The following IFT140 variants were observed in gnomAD, a reference collection of about 807,000 sequenced individuals.
IFT140 encodes the protein intraflagellar transport protein 140 homolog.
A neutral mutation model predicts 164.6 loss-of-function variants in IFT140; 133 were observed. That is an observed-to-expected ratio of 0.81 (90% CI 0.70 to 0.93). The LOEUF is 0.93. Among genes scored for constraint, IFT140 ranks in the 40% least tolerant of loss-of-function variants. IFT140 has a pLI of 0.00. For synonymous variants in IFT140, 860 were observed against 817.3 expected, an observed-to-expected ratio of 1.05 and a Z score of -0.89; for missense variants, 2,045 against 1,972.3, an observed-to-expected ratio of 1.04 and a Z score of -0.70.
chr16:1,591,996 C>T (rs1318377527), intron 6 of IFT140, among the ~76,000 whole-genome samples, 180 bp downstream of exon 6: 1 of 152,248 alleles, frequency 6.6e-6, no homozygotes, highest in Non-Finnish European at 1.5e-5. Context: ...CATTTCAACA[C>T]TGGATGGATG....
At chr16:1,580,350 G>A (rs1288114895) in intron 13 of IFT140, 2 of 158,108 alleles carry the variant, frequency 1.3e-5, no homozygotes, top group East Asian at 3.8e-4. Context: ...AATGTTGGAG[G>A]TGGGGCCTGG....
In IFT140 at chr16:1,526,609, C is replaced by A; in HGVS notation, c.2577+10G>T. ...GCCTTCCCACCCACCCCATGGCGGGCGCCCCTCACCAGCATGCCCAGCTGC... is the reference window on the plus strand; with the variant it reads ...GCCTTCCCACCCACCCCATGGCGGGAGCCCCTCACCAGCATGCCCAGCTGC... On this transcript the variant is annotated intron_variant, in intron 20 of 30. Coordinates refer to ENST00000426508, the MANE Select transcript of IFT140 (RefSeq NM_014714.4). The A allele has an allele frequency of 6.6e-7, 1 of 1,514,030 alleles. No homozygotes were observed. Among genetic ancestry groups the A allele is most frequent in the East Asian group, 2.4e-5 (1 of 41,516 alleles). 93.8% of individuals were successfully genotyped at this position (1,514,030 alleles called of 1,614,324 possible).
At chr16:1,512,927 G>A (rs896197024) in intron 30 of IFT140, 2 of 152,260 alleles carry the variant, frequency 1.3e-5, no homozygotes, top group Non-Finnish European at 2.9e-5. Flanking sequence ...GGAAGTCTGT[G>A]TCTCACGGAG....
chr16:1,591,810 C>T (rs1457309196), intron 6 of IFT140, among the ~76,000 whole-genome samples: 1 of 152,206 alleles, frequency 6.6e-6, no homozygotes, highest in East Asian at 1.9e-4. Context: ...ACCTGGCATA[C>T]AATAGGTGCT....
Position 1,525,884 on chromosome 16 carries a change from CACTA to C in IFT140, c.2767_2768+2del, listed in dbSNP as rs769075694. ...GGGAAGAGGCCGCGAGGGCCGCACT[CACTA>C]ACTGAGGGCCCGGCTGCAGTCGGCG... is the stretch of plus-strand genomic sequence containing the variant. On this transcript the variant is annotated splice_donor_variant and coding_sequence_variant, in exon 21 of 31. Coordinates refer to ENST00000426508, the MANE Select transcript of IFT140 (RefSeq NM_014714.4). LOFTEE classifies it high-confidence loss of function. The C allele has an allele frequency of 2.9e-5, 44 of 1,537,352 alleles. No homozygotes were observed. The highest frequency in any genetic ancestry group is 1.4e-4 in the Admixed American group (7 of 50,938).
At chr16:1,572,478 C>A (rs1338669427) in intron 13 of IFT140, among the ~76,000 whole-genome samples, 8 of 152,116 alleles carry the variant, frequency 5.3e-5, no homozygotes, top group Non-Finnish European at 1.0e-4. Flanking sequence ...AACCCCGTCT[C>A]TACTAAAAAT....
At chr16:1,579,128 A>C (rs1171427992) in intron 13 of IFT140, 1 of 152,254 alleles carries the variant, frequency 6.6e-6, no homozygotes, top group Non-Finnish European at 1.5e-5. Context: ...TGTATGTATC[A>C]TATACTGTTT....
At chr16:1,516,861 G>A (rs2040369601) in intron 30 of IFT140, among the ~76,000 whole-genome samples, 1 of 151,930 alleles carries the variant, frequency 6.6e-6, no homozygotes, top group Non-Finnish European at 1.5e-5. Flanking sequence ...AAGTTGACTG[G>A]TAGAAAACTG....
chr16:1,528,370 CGCAT>C (rs1185644010), intron 19 of IFT140, among the ~76,000 whole-genome samples: 4 of 151,614 alleles, frequency 2.6e-5, no homozygotes, highest in Admixed American at 6.6e-5. Flanking sequence ...TGCACACACA[CGCAT>C]GCACGCACGT....
At position 1,594,963 on chromosome 16, in the gene IFT140, A is replaced by C. The variant is rs558295257; in HGVS notation, c.370-2375T>G. Among the ~76,000 whole-genome samples, 3 of 152,378 alleles carry C rather than the reference A, an allele frequency of 2.0e-5. No individual in the cohort carries two copies. In the East Asian group the frequency reaches 5.8e-4, roughly 29 times the overall value. ...AACATGCTTTTTATTGTACACAGGA[A>C]GAGTATTTTCAAATAATGTCAGATT... On this transcript the variant is annotated intron_variant, in intron 4 of 30. Coordinates refer to ENST00000426508, the MANE Select transcript of IFT140 (RefSeq NM_014714.4).
At chr16:1,552,610 A>G (rs1226546818) in intron 19 of IFT140, among the ~76,000 whole-genome samples, 1 of 151,858 alleles carries the variant, frequency 6.6e-6, no homozygotes, top group Non-Finnish European at 1.5e-5. Context: ...TAGAAATGCC[A>G]GAAGTTTCCT....
chr16:1,563,586 C>T (rs2033545793), intron 17 of IFT140, among the ~76,000 whole-genome samples: 1 of 152,036 alleles, frequency 6.6e-6, no homozygotes, highest in South Asian at 2.1e-4. Flanking sequence ...TGGGCATAAA[C>T]CTCAAAGAGG....
chr16:1,535,781 C>A (rs990829323), intron 19 of IFT140, among the ~76,000 whole-genome samples: 3 of 152,250 alleles, frequency 2.0e-5, no homozygotes, highest in Admixed American at 6.5e-5. Context: ...GCCTGGACTG[C>A]GCACTTCCTC....
At chr16:1,575,982 T>G (rs1308442138) in intron 13 of IFT140, among the ~76,000 whole-genome samples, 1 of 152,120 alleles carries the variant, frequency 6.6e-6, no homozygotes, top group Non-Finnish European at 1.5e-5. Context: ...ATGAACTTCT[T>G]TTTTCAATAA....
intron 6 of IFT140, among the ~76,000 whole-genome samples, chr16:1,591,203 T>C (rs1280373865): frequency 1.3e-5 from 2 of 152,192 alleles, no homozygotes; most frequent in East Asian, 3.9e-4. Context: ...CTCCTCTAGG[T>C]GACCAGCGCT....
At chr16:1,528,344 CGCAT>C (rs2029975528) in intron 19 of IFT140, among the ~76,000 whole-genome samples, 1 of 131,022 alleles carries the variant, frequency 7.6e-6, no homozygotes, top group Non-Finnish European at 1.7e-5. Context: ...TGCACACACA[CGCAT>C]GCACGCACGT....
chr16:1,556,804 TTTTTG>T (rs1176895333), intron 19 of IFT140, among the ~76,000 whole-genome samples: 1 of 152,134 alleles, frequency 6.6e-6, no homozygotes, highest in African/African-American at 2.4e-5. Flanking sequence ...AAATAATTGT[TTTTTG>T]TTTTGTTTTG....
At chr16:1,521,558 T>C (rs1373231306) in intron 26 of IFT140, among the ~76,000 whole-genome samples, 1 of 151,582 alleles carries the variant, frequency 6.6e-6, no homozygotes, top group Non-Finnish European at 1.5e-5. Context: ...CCGGCTAATT[T>C]TGTAATTTTT....
At chr16:1,592,817 C>T (rs953977529) in intron 4 of IFT140, among the ~76,000 whole-genome samples, 1 of 150,410 alleles carries the variant, frequency 6.6e-6, no homozygotes, top group Non-Finnish European at 1.5e-5. Flanking sequence ...CACTGACCTC[C>T]CCATGAAGGC....
Sources: allele counts gnomAD v4.1 joint callset (sites outside exome capture counted in the v4.1 genomes callset), GRCh38; gene constraint gnomAD v4.1.1; transcripts MANE v1.5; gene names NCBI Gene and HGNC (gene_info 2026-07-23, HGNC 2026-07-21).